ZNF704: variants seen among roughly 807,000 people sequenced by gnomAD.
ZNF704 encodes the protein glucocorticoid induced gene 1.
In ZNF704, 10 loss-of-function variants were observed where a neutral mutation model predicts 44.7. The observed-to-expected ratio is 0.22, with a 90% CI of 0.14 to 0.38. The LOEUF (loss-of-function observed/expected upper bound fraction) is 0.38, where lower values mean the gene tolerates loss of function less well. Ranked by LOEUF, ZNF704 falls within the 10% of genes least tolerant of loss-of-function variation. The pLI, the probability that ZNF704 is intolerant of heterozygous loss-of-function variation, is 1.00. For synonymous variants in ZNF704, 211 were observed against 207.6 expected, an observed-to-expected ratio of 1.02 and a Z score of -0.14; for missense variants, 390 against 545.5, an observed-to-expected ratio of 0.71 and a Z score of 2.84.
rs569980741 is a variant in ZNF704 at position 80,843,445 on chromosome 8, T to C, written c.-21-21830A>G. Among the ~76,000 whole-genome samples, 75 of 152,342 alleles carry C rather than the reference T, an allele frequency of 4.9e-4. 1 individual carries two copies. The South Asian group carries it at 0.016, about 32-fold the overall frequency. On this transcript the variant is annotated intron_variant, in intron 1 of 8. Coordinates refer to ENST00000327835, the MANE Select transcript of ZNF704 (RefSeq NM_001033723.3). Reference sequence around the variant, plus strand: ...AAAGTTGAAGTCTCTTGTTCATGTGTTAGCATCTGAAGGATATTCCACAAC... The same window carrying C: ...AAAGTTGAAGTCTCTTGTTCATGTGCTAGCATCTGAAGGATATTCCACAAC...
At chr8:80,646,822 T>C (rs2131592844) in intron 7 of ZNF704, among the ~76,000 whole-genome samples, 2 of 152,346 alleles carry the variant, frequency 1.3e-5, no homozygotes, top group South Asian at 4.1e-4. Flanking sequence ...TGAATTGTTT[T>C]AAATTATCAG....
intron 1 of ZNF704, among the ~76,000 whole-genome samples, chr8:80,866,876 CTAGGA>C (rs1809164209): frequency 6.6e-6 from 1 of 152,118 alleles, no homozygotes; most frequent in African/African-American, 2.4e-5. Flanking sequence ...TTCCAAGTAG[CTAGGA>C]TTACAGGTGC....
chr8:80,709,235 G>A (rs898551503), intron 2 of ZNF704, among the ~76,000 whole-genome samples: 1 of 151,856 alleles, frequency 6.6e-6, no homozygotes. Context: ...ACGAGGTCAG[G>A]AGATCAAGAT....
chr8:80,747,521 A>C (rs112606902), intron 2 of ZNF704, among the ~76,000 whole-genome samples: 7,313 of 152,270 alleles, frequency 0.048, 235 homozygotes, highest in Middle Eastern at 0.11. Flanking sequence ...TACTCTTTCC[A>C]AATACTGTGG....
intron 7 of ZNF704, among the ~76,000 whole-genome samples, chr8:80,649,513 T>C (rs1817881701): frequency 6.6e-6 from 1 of 152,178 alleles, no homozygotes; most frequent in African/African-American, 2.4e-5. Flanking sequence ...CACCAGGAGA[T>C]TATATCCTGC....
intron 2 of ZNF704, among the ~76,000 whole-genome samples, chr8:80,706,968 GA>G (rs553758021): frequency 9.9e-5 from 15 of 151,826 alleles, no homozygotes; most frequent in Non-Finnish European, 2.1e-4. Flanking sequence ...GTTTTAAAGA[GA>G]AAAAAAATTG....
chr8:80,755,317 T>A (rs921260265), intron 2 of ZNF704, among the ~76,000 whole-genome samples: 1 of 151,976 alleles, frequency 6.6e-6, no homozygotes, highest in East Asian at 1.9e-4. Flanking sequence ...TAGCCACGTG[T>A]GGTGGTGGGT....
intron 3 of ZNF704, 77 bp from the exon 4 acceptor site, chr8:80,687,535 G>C: frequency 8.7e-7 from 1 of 1,154,568 alleles, no homozygotes. Flanking sequence ...TGGGAGCCTT[G>C]GTTCTACACC....
At chr8:80,832,467 T>C (rs527757322) in intron 1 of ZNF704, among the ~76,000 whole-genome samples, 3 of 152,272 alleles carry the variant, frequency 2.0e-5, no homozygotes, top group African/African-American at 7.2e-5. Flanking sequence ...GCCACCTTAA[T>C]CCTCACACTT....
chr8:80,644,140 T>C (rs1008843386), intron 7 of ZNF704, among the ~76,000 whole-genome samples: 3 of 152,222 alleles, frequency 2.0e-5, no homozygotes, highest in African/African-American at 7.2e-5. Context: ...AGTATTACTA[T>C]TGTTCCCATT....
At chr8:80,872,065 C>A (rs1039399084) in intron 1 of ZNF704, among the ~76,000 whole-genome samples, 1 of 152,192 alleles carries the variant, frequency 6.6e-6, no homozygotes, top group African/African-American at 2.4e-5. Context: ...ATTGTGCAAT[C>A]ACTATTCAAA....
chr8:80,807,435 G>GA lies in ZNF704; in HGVS notation c.221+13938dup, dbSNP rs1269098022. Among the ~76,000 whole-genome samples the GA allele has an allele frequency of 3.3e-5, 5 of 151,788 alleles. No homozygotes were observed. The East Asian group carries it at 9.7e-4, about 29-fold the overall frequency. On this transcript the variant is annotated intron_variant, in intron 2 of 8. Coordinates refer to ENST00000327835, the MANE Select transcript of ZNF704 (RefSeq NM_001033723.3). Reference sequence around the variant, plus strand: ...TGAAAAGGTGTTTTTAAATAATGAGGAAAAAAAGCTTACTGAATTCTTTAG... The same window carrying GA: ...TGAAAAGGTGTTTTTAAATAATGAGGAAAAAAAAGCTTACTGAATTCTTTAG...
At chr8:80,846,611 C>T (rs987622031) in intron 1 of ZNF704, among the ~76,000 whole-genome samples, 3 of 152,134 alleles carry the variant, frequency 2.0e-5, no homozygotes, top group Non-Finnish European at 4.4e-5. Context: ...ATTTTCTAGG[C>T]AGACTGTTGA....
chr8:80,811,595 T>C (rs965428878), intron 2 of ZNF704, among the ~76,000 whole-genome samples: 2 of 152,228 alleles, frequency 1.3e-5, no homozygotes, highest in African/African-American at 4.8e-5. Context: ...GCACAGTTAG[T>C]GGCTATCGAA....
At chr8:80,685,911 G>A (rs1193273257) in intron 4 of ZNF704, among the ~76,000 whole-genome samples, 1 of 152,152 alleles carries the variant, frequency 6.6e-6, no homozygotes, top group Non-Finnish European at 1.5e-5. Context: ...AGTCCTCAGG[G>A]CTTTGTATTG....
Position 80,848,338 on chromosome 8 carries a change from C to T in ZNF704, c.-22+26233G>A, listed in dbSNP as rs111636851. 8.1e-3 allele frequency among the ~76,000 whole-genome samples: 1,235 copies of T among 152,264 alleles called. 15 individuals are homozygous for T. Among genetic ancestry groups the T allele is most frequent in the African/African-American group, 0.028 (1,145 of 41,544 alleles). On this transcript the variant is annotated intron_variant, in intron 1 of 8. Transcript: ENST00000327835. ...CAATGATGGGGGTCACATGACTCCA[C>T]ACATGATAATATCGCACACATGCAT... is the stretch of plus-strand genomic sequence containing the variant.
Position 80,731,797 on chromosome 8 carries a change from C to T in ZNF704, c.222-38690G>A, listed in dbSNP as rs1461973531. ...CAAACAAACCAGAAAACCCCCCAAA[C>T]ACATCAAGTTAAGTGGAGTTTTATT... On this transcript the variant is annotated intron_variant, in intron 2 of 8. Transcript: ENST00000327835. 6.2e-4 allele frequency among the ~76,000 whole-genome samples: 95 copies of T among 152,256 alleles called. 2 individuals carry two copies. Among genetic ancestry groups the T allele is most frequent in the Non-Finnish European group, 2.8e-4 (19 of 68,016 alleles).
chr8:80,790,321 C>T (rs1207514472), intron 2 of ZNF704, among the ~76,000 whole-genome samples: 1 of 151,824 alleles, frequency 6.6e-6, no homozygotes, highest in Non-Finnish European at 1.5e-5. Context: ...CTGAACTGGA[C>T]CTTGGTTATG....
At chr8:80,852,123 C>A (rs1454758022) in intron 1 of ZNF704, among the ~76,000 whole-genome samples, 1 of 152,152 alleles carries the variant, frequency 6.6e-6, no homozygotes, top group African/African-American at 2.4e-5. Context: ...GAAAAACACA[C>A]TCTATGTTAA....
Sources: gnomAD v4.1 joint callset for allele counts (sites outside exome capture counted in the v4.1 genomes callset) on GRCh38, gnomAD v4.1.1 for gene constraint, MANE v1.5 for transcripts, NCBI Gene and HGNC (gene_info 2026-07-23, HGNC 2026-07-21) for gene names.